IQCJ: variants seen among roughly 807,000 people sequenced by gnomAD.
IQCJ encodes the protein IQ domain-containing protein J.
IQCJ carries 9 observed loss-of-function variants against 11.0 expected under a neutral mutation model. The observed-to-expected ratio is 0.82, with a 90% confidence interval of 0.49 to 1.43. IQCJ has a LOEUF of 1.43. Ranked by LOEUF, IQCJ falls within the 40% of genes most tolerant of loss-of-function variation. The pLI, the probability that IQCJ is intolerant of heterozygous loss-of-function variation, is 0.00. For synonymous variants in IQCJ, 55 were observed against 51.3 expected, an observed-to-expected ratio of 1.07 and a Z score of -0.31; for missense variants, 146 against 133.2, an observed-to-expected ratio of 1.10 and a Z score of -0.47.
At chr3:159,262,120 G>C (rs1021864568) in intron 3 of IQCJ, among the ~76,000 whole-genome samples, 3 of 152,192 alleles carry the variant, frequency 2.0e-5, no homozygotes, top group Non-Finnish European at 4.4e-5. Context: ...AGCTGACCCT[G>C]GCACAGAATG....
chr3:159,149,010 A>G lies in IQCJ; in HGVS notation c.9+79569A>G, dbSNP rs145952731. On this transcript the variant is annotated intron_variant, in intron 1 of 3. Transcript: ENST00000397832. ...CCTTTTAATTGTGTCAGATCTGTGC[A>G]GCAAGCAGAAATATTTAGTTTATTT... is the stretch of plus-strand genomic sequence containing the variant. Among the ~76,000 whole-genome samples, 664 of 152,350 alleles carry G rather than the reference A, an allele frequency of 4.4e-3. 5 individuals carry two copies. Among genetic ancestry groups the G allele is most frequent in the African/African-American group, 0.013 (545 of 41,582 alleles).
At chr3:159,222,704 A>C (rs766471642) in intron 1 of IQCJ, among the ~76,000 whole-genome samples, 1 of 152,196 alleles carries the variant, frequency 6.6e-6, no homozygotes, top group Non-Finnish European at 1.5e-5. Context: ...TAAAAATAAA[A>C]AAGCAAAAGC....
At chr3:159,200,104 A>ATATATATATATATATATATATATAT (rs1724232754) in intron 1 of IQCJ, among the ~76,000 whole-genome samples, 12 of 116,946 alleles carry the variant, frequency 1.0e-4, no homozygotes, top group African/African-American at 3.0e-4. Flanking sequence ...TTTATACATA[A>ATATATATATATATATATATATATAT]ATATATATAT....
At chr3:159,138,424 A>G (rs1720420053) in intron 1 of IQCJ, among the ~76,000 whole-genome samples, 1 of 152,198 alleles carries the variant, frequency 6.6e-6, no homozygotes, top group East Asian at 1.9e-4. Context: ...AGACTATGAG[A>G]CTTATCCAGG....
At chr3:159,205,371 ATG>A (rs1434693821) in intron 1 of IQCJ, among the ~76,000 whole-genome samples, 1 of 152,190 alleles carries the variant, frequency 6.6e-6, no homozygotes, top group Non-Finnish European at 1.5e-5. Flanking sequence ...CCCAGCATCA[ATG>A]TGTGACAACA....
At chr3:159,117,354 A>T (rs1719092672) in intron 1 of IQCJ, among the ~76,000 whole-genome samples, 1 of 152,216 alleles carries the variant, frequency 6.6e-6, no homozygotes, top group African/African-American at 2.4e-5. Context: ...TGTGTTAGGA[A>T]AGGGCTGCGC....
intron 2 of IQCJ, among the ~76,000 whole-genome samples, chr3:159,247,432 A>G (rs1727338443): frequency 6.6e-6 from 1 of 152,182 alleles, no homozygotes; most frequent in Admixed American, 6.5e-5. Context: ...GATCCTTCAG[A>G]AATGAAAACC....
At chr3:159,192,256 G>T (rs1723733587) in intron 1 of IQCJ, among the ~76,000 whole-genome samples, 1 of 151,874 alleles carries the variant, frequency 6.6e-6, no homozygotes, top group African/African-American at 2.4e-5. Context: ...TTTGGAGACA[G>T]ATCTCTTTTT....
At chr3:159,113,193 G>C (rs1718740714) in intron 1 of IQCJ, among the ~76,000 whole-genome samples, 1 of 152,186 alleles carries the variant, frequency 6.6e-6, no homozygotes, top group African/African-American at 2.4e-5. Context: ...TTATTGTGAA[G>C]TATAGTCTTA....
chr3:159,200,435 G>T (rs936291736), intron 1 of IQCJ, among the ~76,000 whole-genome samples: 7 of 152,092 alleles, frequency 4.6e-5, no homozygotes, highest in South Asian at 2.1e-4. Context: ...ATCAGTCAGG[G>T]TTATTTTGCT....
chr3:159,246,651 C>T (rs1727289779), intron 2 of IQCJ, among the ~76,000 whole-genome samples: 1 of 152,110 alleles, frequency 6.6e-6, no homozygotes, highest in African/African-American at 2.4e-5. Flanking sequence ...TTAAGAATCA[C>T]ATTGACATTG....
intron 1 of IQCJ, among the ~76,000 whole-genome samples, chr3:159,190,529 T>C (rs1425109668): frequency 6.6e-6 from 1 of 152,178 alleles, no homozygotes; most frequent in Non-Finnish European, 1.5e-5. Flanking sequence ...CAGAGGCAGC[T>C]GGAAGTTTAG....
At chr3:159,125,219 C>A (rs972480670) in intron 1 of IQCJ, among the ~76,000 whole-genome samples, 1 of 152,120 alleles carries the variant, frequency 6.6e-6, no homozygotes. Flanking sequence ...AAACACTAAT[C>A]ACAAGAGAAA....
At chr3:159,161,239 T>C (rs1318923206) in intron 1 of IQCJ, among the ~76,000 whole-genome samples, 1 of 152,218 alleles carries the variant, frequency 6.6e-6, no homozygotes, top group African/African-American at 2.4e-5. Context: ...TGTGAGATGG[T>C]ATGTCATTGT....
At chr3:159,183,233 C>A (rs994126823) in intron 1 of IQCJ, among the ~76,000 whole-genome samples, 8 of 152,166 alleles carry the variant, frequency 5.3e-5, no homozygotes, top group African/African-American at 1.9e-4. Flanking sequence ...TTTTCTATTG[C>A]ATATGTCTCA....
intron 1 of IQCJ, among the ~76,000 whole-genome samples, chr3:159,113,462 T>TTGTCTTC (rs1306634838): frequency 3.3e-5 from 5 of 152,142 alleles, no homozygotes; most frequent in African/African-American, 1.2e-4. Flanking sequence ...CATATGAGCC[T>TTGTCTTC]TGTGACAGCG....
At chr3:159,193,801 G>C (rs764727438) in intron 1 of IQCJ, among the ~76,000 whole-genome samples, 1 of 152,176 alleles carries the variant, frequency 6.6e-6, no homozygotes, top group African/African-American at 2.4e-5. Context: ...CAGGCGGGAC[G>C]TTGGTCAGCA....
At chr3:159,154,002 A>C (rs565924009) in intron 1 of IQCJ, among the ~76,000 whole-genome samples, 2 of 152,322 alleles carry the variant, frequency 1.3e-5, no homozygotes, top group Middle Eastern at 6.8e-3. Context: ...CATTCTTAAT[A>C]AATTCCTTTT....
At chr3:159,246,056 A>G (rs1478941353) in intron 2 of IQCJ, 149 bp downstream of exon 2, 4 of 597,290 alleles carry the variant, frequency 6.7e-6, no homozygotes, top group Non-Finnish European at 1.2e-5. Context: ...CATTTGAGAT[A>G]TAGGTAGATA....
Sources: gnomAD v4.1 joint callset for allele counts (sites outside exome capture counted in the v4.1 genomes callset) on GRCh38, gnomAD v4.1.1 for gene constraint, MANE v1.5 for transcripts, NCBI Gene and HGNC (gene_info 2026-07-23, HGNC 2026-07-21) for gene names.